The following CHURC1 variants were observed in gnomAD, a reference collection of about 807,000 sequenced individuals.
CHURC1 encodes protein Churchill.
In CHURC1, 12 loss-of-function variants were observed where a neutral mutation model predicts 15.4. The ratio of observed to expected loss-of-function variants is 0.78; its 90% CI spans 0.50 to 1.27. The LOEUF (loss-of-function observed/expected upper bound fraction) is 1.27, where lower values mean the gene tolerates loss of function less well. Ranked by LOEUF, CHURC1 falls within the 50% of genes most tolerant of loss-of-function variation. The pLI is 0.00. For synonymous variants in CHURC1, 42 were observed against 47.5 expected (o/e 0.88, Z 0.48); for missense variants, 132 against 137.8 (o/e 0.96, Z 0.21).
intron 3 of CHURC1, among the ~76,000 whole-genome samples, chr14:64,929,760 C>T (rs912104852): frequency 6.6e-6 from 1 of 152,136 alleles, no homozygotes; most frequent in African/African-American, 2.4e-5. Context: ...TCATTAGTCT[C>T]TCTGAAAGAT....
Position 64,934,463 on chromosome 14 carries a change from C to G in CHURC1, c.*2233C>G. The G allele has an allele frequency of 1.0e-6, 1 of 985,406 alleles. No homozygotes were observed. The highest frequency in any genetic ancestry group is 1.2e-6 in the Non-Finnish European group (1 of 829,922). 61.0% of individuals were successfully genotyped at this position (985,406 alleles called of 1,614,324 possible). A position where few individuals can be genotyped will look rare whatever the true frequency, so the allele number is the denominator to read the frequency against. ...AATTATGTTTGGCAAATATGAAATA[C>G]AAGGATCTGGCAAGGTTAGGAAGAG... On this transcript the variant is annotated 3_prime_UTR_variant, in exon 4 of 4. Transcript: ENST00000549115.
rs990591646 is a variant in CHURC1 at position 64,935,032 on chromosome 14, T to G, written c.*2802T>G. The stretch of plus-strand genomic sequence containing the variant: ...TTATTTTTCTGTTCAAATTAGGAAT[T>G]AGGGACATGGATGAAATTGGAAATC... On this transcript the variant is annotated 3_prime_UTR_variant, in exon 4 of 4. Transcript: ENST00000549115. The G allele has an allele frequency of 4.1e-6, 4 of 979,816 alleles. No individual in the cohort carries two copies. The highest frequency in any genetic ancestry group is 3.6e-6 in the Non-Finnish European group (3 of 825,072). The allele number at this position is 979,816 out of a possible 1,614,324, so 60.7% of individuals were successfully genotyped here. A position where few individuals can be genotyped will look rare whatever the true frequency, so the allele number is the denominator to read the frequency against.
chr14:64,928,255 GT>G (rs1339859092), intron 3 of CHURC1, among the ~76,000 whole-genome samples: 1 of 151,740 alleles, frequency 6.6e-6, no homozygotes, highest in Non-Finnish European at 1.5e-5. Flanking sequence ...TGAACAGGTT[GT>G]TTGTTTGTTG....
Position 64,934,301 on chromosome 14 carries a change from T to G in CHURC1, c.*2071T>G, listed in dbSNP as rs1266804719. ...ACAGGGAGGTTGTGATGAGCCAAGG[T>G]CATGCCACTGCACTCCAGCCTGGGA... is the stretch of plus-strand genomic sequence containing the variant. On this transcript the variant is annotated 3_prime_UTR_variant, in exon 4 of 4. Transcript: ENST00000549115. The G allele has an allele frequency of 4.1e-6, 2 of 482,970 alleles. No individual in the cohort carries two copies. Among genetic ancestry groups the G allele is most frequent in the Non-Finnish European group, 5.4e-6 (2 of 371,074 alleles). 29.9% of individuals were successfully genotyped at this position (482,970 alleles called of 1,614,324 possible).
intron 1 of CHURC1, among the ~76,000 whole-genome samples, chr14:64,917,986 A>C (rs797018527): frequency 1.2e-4 from 18 of 152,362 alleles, no homozygotes; most frequent in African/African-American, 4.3e-4. Flanking sequence ...GGGTACAACT[A>C]TGTAGATAGA....
intron 1 of CHURC1, among the ~76,000 whole-genome samples, chr14:64,923,175 T>C (rs1236808915): frequency 6.6e-6 from 1 of 151,138 alleles, no homozygotes; most frequent in Non-Finnish European, 1.5e-5. Context: ...GGCTCACAAC[T>C]GTAATCCCAA....
chr14:64,933,458 T>C lies in CHURC1; in HGVS notation c.*1228T>C, dbSNP rs45583643. 20 of 985,490 alleles carry C rather than the reference T, an allele frequency of 2.0e-5. No homozygotes were observed. The highest frequency in any genetic ancestry group is 5.2e-4 in the Middle Eastern group (1 of 1,914). The allele number at this position is 985,490 out of a possible 1,614,324, so 61.0% of individuals were successfully genotyped here. A position where few individuals can be genotyped will look rare whatever the true frequency, so the allele number is the denominator to read the frequency against. ...GGCCAGGAGGTTATAAACTGGCATT[T>C]AGGCCTCTCTGCCATTTAGTAGCAG... On this transcript the variant is annotated 3_prime_UTR_variant, in exon 4 of 4. Transcript: ENST00000549115.
chr14:64,928,180 GTCTT>G (rs1270579168), intron 3 of CHURC1, among the ~76,000 whole-genome samples: 1 of 151,902 alleles, frequency 6.6e-6, no homozygotes, highest in Non-Finnish European at 1.5e-5. Context: ...TCATGTTATC[GTCTT>G]TCTTTCCAGT....
intron 1 of CHURC1, among the ~76,000 whole-genome samples, chr14:64,916,362 A>G (rs1427938318): frequency 3.3e-5 from 5 of 152,112 alleles, no homozygotes; most frequent in African/African-American, 9.7e-5. Flanking sequence ...GCAGTGTTTT[A>G]TTTCTTGATT....
Position 64,914,569 on chromosome 14 carries a change from G to C in CHURC1, c.39+35G>C, listed in dbSNP as rs185539126. The C allele has an allele frequency of 1.8e-4, 298 of 1,613,422 alleles. 1 individual carries two copies. In the African/African-American group the frequency reaches 3.1e-3, roughly 17 times the overall value. ...TGGGCGCTCCCTTGGCCCGCGGGCGGCCCCCGAGGTGTCTCATATCCAAGG... is the reference window on the plus strand; with the variant it reads ...TGGGCGCTCCCTTGGCCCGCGGGCGCCCCCCGAGGTGTCTCATATCCAAGG... On this transcript the variant is annotated intron_variant, in intron 1 of 3. Coordinates refer to ENST00000549115, the MANE Select transcript of CHURC1 (RefSeq NM_001386928.1).
At chr14:64,926,814 C>T (rs1884743362) in intron 3 of CHURC1, among the ~76,000 whole-genome samples, 1 of 152,192 alleles carries the variant, frequency 6.6e-6, no homozygotes, top group Non-Finnish European at 1.5e-5. Context: ...TTAATCCTTA[C>T]ACAATTGTGA....
chr14:64,920,836 C>A (rs1402811612), intron 1 of CHURC1, among the ~76,000 whole-genome samples: 1 of 152,158 alleles, frequency 6.6e-6, no homozygotes, highest in Non-Finnish European at 1.5e-5. Context: ...TCCAGGCAGT[C>A]CCAATTCAAA....
chr14:64,928,715 C>T (rs190144137), intron 3 of CHURC1, among the ~76,000 whole-genome samples: 1 of 139,724 alleles, frequency 7.2e-6, no homozygotes, highest in East Asian at 2.0e-4. Context: ...ATGGCTTCTG[C>T]ATCTAGTTTT....
In CHURC1 at chr14:64,934,968, A is replaced by C. The variant is rs1404632102; in HGVS notation, c.*2738A>C. The C allele has an allele frequency of 1.0e-6, 1 of 984,318 alleles. No homozygotes were observed. The highest frequency in any genetic ancestry group is 1.2e-6 in the Non-Finnish European group (1 of 829,148). 61.0% of individuals were successfully genotyped at this position (984,318 alleles called of 1,614,324 possible). The stretch of plus-strand genomic sequence containing the variant: ...TATCATTTTCTAGATTCTTATGTGG[A>C]TCTAATAACGACCACTTGAACCCAG... On this transcript the variant is annotated 3_prime_UTR_variant, in exon 4 of 4. Transcript: ENST00000549115.
At chr14:64,924,711 G>A (rs1214867803) in intron 2 of CHURC1, among the ~76,000 whole-genome samples, 1 of 151,822 alleles carries the variant, frequency 6.6e-6, no homozygotes, top group Non-Finnish European at 1.5e-5. Context: ...CCTCAATACT[G>A]GGAAACCAAA....
chr14:64,930,764 C>T, intron 3 of CHURC1: 2 of 436,156 alleles, frequency 4.6e-6, no homozygotes, highest in South Asian at 1.6e-5. Context: ...CTCTTTTTGA[C>T]TCTTTACTTT....
intron 1 of CHURC1, among the ~76,000 whole-genome samples, chr14:64,916,300 A>T (rs200722189): frequency 6.6e-6 from 1 of 152,180 alleles, no homozygotes; most frequent in East Asian, 1.9e-4. Flanking sequence ...CTCCTAAGGG[A>T]TTAGGGTGTG....
chr14:64,920,192 T>C lies in CHURC1; in HGVS notation c.40-3799T>C, dbSNP rs184149869. On this transcript the variant is annotated intron_variant, in intron 1 of 3. Transcript: ENST00000549115. ...AAGATTTTATAACATACTCTCATAT[T>C]AATTATTCTTACAGTTTTCAGCCAT... 1.3e-4 allele frequency among the ~76,000 whole-genome samples: 20 copies of C among 152,336 alleles called. No individual in the cohort carries two copies. The East Asian group carries it at 3.9e-3, about 29-fold the overall frequency.
chr14:64,934,389 A>G lies in CHURC1; in HGVS notation c.*2159A>G. 2.1e-6 allele frequency: 2 copies of G among 967,830 alleles called. No homozygotes were observed. The highest frequency in any genetic ancestry group is 1.8e-5 in the African/African-American group (1 of 56,938). The allele number at this position is 967,830 out of a possible 1,614,324, so 60.0% of individuals were successfully genotyped here. A position where few individuals can be genotyped will look rare whatever the true frequency, so the allele number is the denominator to read the frequency against. ...CAAAACAACAACAAAAAAAGAAGTT[A>G]AATAACTTGTTTAAGATCACACAGC... On this transcript the variant is annotated 3_prime_UTR_variant, in exon 4 of 4. Coordinates refer to ENST00000549115, the MANE Select transcript of CHURC1 (RefSeq NM_001386928.1).
Sources: gnomAD v4.1 joint callset for allele counts (sites outside exome capture counted in the v4.1 genomes callset) on GRCh38, gnomAD v4.1.1 for gene constraint, MANE v1.5 for transcripts, NCBI Gene and HGNC (gene_info 2026-07-23, HGNC 2026-07-21) for gene names.